The following MRTFA variants were observed in gnomAD, a reference collection of about 807,000 sequenced individuals.
MRTFA encodes myocardin-related transcription factor A.
Under a neutral mutation model 83.5 loss-of-function variants are expected in MRTFA, and 20 were observed. The ratio of observed to expected loss-of-function variants is 0.24; its 90% CI spans 0.17 to 0.35. MRTFA has a LOEUF of 0.35. MRTFA is among the 10% of genes least tolerant of loss of function. MRTFA has a pLI of 1.00. For synonymous variants in MRTFA, 659 were observed against 541.2 expected (o/e 1.22, Z -3.02); for missense variants, 1,200 against 1,224.7 (o/e 0.98, Z 0.30).
chr22:40,605,891 C>T, intron 1 of MRTFA, among the ~76,000 whole-genome samples: 1 of 152,186 alleles, frequency 6.6e-6, no homozygotes. Flanking sequence ...GCATTCTTTT[C>T]ATTCTCAAAT....
At chr22:40,503,832 G>C (rs113966362) in intron 3 of MRTFA, among the ~76,000 whole-genome samples, 12,470 of 152,114 alleles carry the variant, frequency 0.082, 784 homozygotes, top group East Asian at 0.24. Context: ...TGAGGCAGGA[G>C]AATCCCTTGA....
Position 40,411,778 on chromosome 22 carries a change from G to A in MRTFA, c.2708C>T (p.Pro903Leu), listed in dbSNP as rs758438873. 1 of 1,533,452 alleles carries A rather than the reference G, an allele frequency of 6.5e-7. No individual in the cohort carries two copies. The highest frequency in any genetic ancestry group is 2.0e-5 in the Admixed American group (1 of 51,202). 95.0% of individuals were successfully genotyped at this position (1,533,452 alleles called of 1,614,324 possible). The change falls in exon 15 of 15, where the codon CCT becomes CTT. Residue 903 changes from proline to leucine, a missense_variant. Transcript: ENST00000355630. ...AGGGAGGGAGGGTGAGCCTGGAGGAGGTGGGGCAGCCTGGGGGAGCTCAGC... is the reference window on the plus strand; with the variant it reads ...AGGGAGGGAGGGTGAGCCTGGAGGAAGTGGGGCAGCCTGGGGGAGCTCAGC...
intron 1 of MRTFA, among the ~76,000 whole-genome samples, chr22:40,597,752 C>T (rs1333822023): frequency 2.6e-5 from 4 of 152,138 alleles, no homozygotes; most frequent in African/African-American, 9.7e-5. Context: ...GTAGGGTAAG[C>T]GAGAGCCTCA....
chr22:40,564,174 T>C (rs1569330637), intron 2 of MRTFA, among the ~76,000 whole-genome samples: 1 of 152,170 alleles, frequency 6.6e-6, no homozygotes, highest in African/African-American at 2.4e-5. Context: ...AGGGCAGTCA[T>C]TACAACAGTA....
At chr22:40,567,789 ATAG>A (rs1478552776) in intron 2 of MRTFA, among the ~76,000 whole-genome samples, 7 of 152,232 alleles carry the variant, frequency 4.6e-5, no homozygotes, top group Non-Finnish European at 8.8e-5. Flanking sequence ...GAAGACATTT[ATAG>A]TATTGTGCTT....
intron 3 of MRTFA, among the ~76,000 whole-genome samples, chr22:40,487,395 C>T (rs1249739787): frequency 6.6e-6 from 1 of 152,172 alleles, no homozygotes. Context: ...GAACTGGAGT[C>T]ATTAGTCATT....
In MRTFA at chr22:40,420,997, G is replaced by A. The variant is rs760762238; in HGVS notation, c.1031C>T (p.Pro344Leu). Residue 344 changes from proline (P) to leucine (L), a missense_variant, in exon 10 of 15, where the codon CCG (proline) becomes CTG (leucine). Pro to Leu is a moderately conservative substitution (Grantham distance 98, BLOSUM62 -3). Around this residue, in one of 2 missense-constraint regions of MRTFA, gnomAD observed 1,107 missense variants for 1,041.8 expected, o/e 1.06. Coordinates refer to ENST00000355630, the MANE Select transcript of MRTFA (RefSeq NM_020831.6). ...TGCCCCCCTGTCCTGCTTCTGGTCC[G>A]GGGGGATGTACTGGTGGTACTTGAG... 3.7e-6 allele frequency: 6 copies of A among 1,605,866 alleles called. No individual in the cohort carries two copies. The highest frequency in any genetic ancestry group is 2.2e-5 in the South Asian group (2 of 90,184).
chr22:40,479,251 G>A (rs920259935), intron 3 of MRTFA, among the ~76,000 whole-genome samples: 10 of 152,068 alleles, frequency 6.6e-5, no homozygotes, highest in Admixed American at 5.2e-4. Context: ...ACAAGATGGC[G>A]CCAGCTAAGG....
chr22:40,472,742 T>C (rs912598664), intron 3 of MRTFA, among the ~76,000 whole-genome samples: 1 of 152,104 alleles, frequency 6.6e-6, no homozygotes, highest in East Asian at 1.9e-4. Context: ...TATCAACACA[T>C]TTCCCAGCTT....
chr22:40,602,556 T>A (rs1003022635), intron 1 of MRTFA, among the ~76,000 whole-genome samples: 2 of 151,798 alleles, frequency 1.3e-5, no homozygotes, highest in Admixed American at 6.6e-5. Flanking sequence ...TGTGGTTGGT[T>A]TAAAAAATAG....
intron 4 of MRTFA, among the ~76,000 whole-genome samples, chr22:40,455,429 G>A (rs1173692570): frequency 6.6e-6 from 1 of 151,902 alleles, no homozygotes; most frequent in East Asian, 1.9e-4. Flanking sequence ...GGCGGATCAC[G>A]AGGTCAGGAG....
chr22:40,516,489 G>C (rs2054762881), intron 3 of MRTFA, among the ~76,000 whole-genome samples: 2 of 143,702 alleles, frequency 1.4e-5, no homozygotes, highest in Admixed American at 1.4e-4. Flanking sequence ...TCTCAGAAGA[G>C]AAGGAAGAGA....
Position 40,411,289 on chromosome 22 carries a change from A to T in MRTFA, c.*101T>A. ...GGAAAAAGCAGGGGCTGTGATTGTCAAGACTCACAACCATGTGGAGAGGCC... is the reference window on the plus strand; with the variant it reads ...GGAAAAAGCAGGGGCTGTGATTGTCTAGACTCACAACCATGTGGAGAGGCC... On this transcript the variant is annotated 3_prime_UTR_variant, in exon 15 of 15. Transcript: ENST00000355630. The T allele has an allele frequency of 7.8e-7, 1 of 1,277,958 alleles. No homozygotes were observed. Among genetic ancestry groups the T allele is most frequent in the East Asian group, 2.4e-5 (1 of 42,000 alleles). 79.2% of individuals were successfully genotyped at this position (1,277,958 alleles called of 1,614,324 possible). A position where few individuals can be genotyped will look rare whatever the true frequency, so the allele number is the denominator to read the frequency against.
chr22:40,626,770 C>T (rs959994965), intron 1 of MRTFA, among the ~76,000 whole-genome samples: 4 of 151,810 alleles, frequency 2.6e-5, no homozygotes, highest in Non-Finnish European at 4.4e-5. Context: ...GAGTTCAAGG[C>T]GGGAGAACTG....
chr22:40,522,134 T>A (rs2054879943), intron 3 of MRTFA: 1 of 152,234 alleles, frequency 6.6e-6, no homozygotes, highest in Non-Finnish European at 1.5e-5. Context: ...ATTACAGGCG[T>A]GAGACACTGC....
At chr22:40,560,975 T>C (rs940074589) in intron 2 of MRTFA, among the ~76,000 whole-genome samples, 3 of 152,202 alleles carry the variant, frequency 2.0e-5, no homozygotes, top group Non-Finnish European at 4.4e-5. Flanking sequence ...AAAAGGTGGT[T>C]CTATGCGACC....
At chr22:40,588,844 T>C (rs1246569892) in intron 2 of MRTFA, among the ~76,000 whole-genome samples, 1 of 151,738 alleles carries the variant, frequency 6.6e-6, no homozygotes, top group Non-Finnish European at 1.5e-5. Context: ...TAGCCAGGCA[T>C]AGTGGCACAT....
At chr22:40,461,543 G>T (rs1053499065) in intron 4 of MRTFA, among the ~76,000 whole-genome samples, 1 of 151,134 alleles carries the variant, frequency 6.6e-6, no homozygotes, top group East Asian at 2.0e-4. Flanking sequence ...CCAGCACTTT[G>T]GGAGGCTGAG....
At chr22:40,542,102 G>A (rs2055300605) in intron 3 of MRTFA, among the ~76,000 whole-genome samples, 1 of 152,132 alleles carries the variant, frequency 6.6e-6, no homozygotes, top group South Asian at 2.1e-4. Context: ...CTGAAATAAA[G>A]TACTCATTTC....
Sources: gnomAD v4.1 joint callset for allele counts (sites outside exome capture counted in the v4.1 genomes callset) on GRCh38, gnomAD v4.1.1 for gene constraint, gnomAD v4.1.1 regional missense constraint, MANE v1.5 for transcripts, NCBI Gene and HGNC (gene_info 2026-07-23, HGNC 2026-07-21) for gene names.